RYR3: variants seen among roughly 807,000 people sequenced by gnomAD.
The protein encoded by RYR3 is brain ryanodine receptor-calcium release channel.
RYR3 carries 207 observed loss-of-function variants against 584.3 expected under a neutral mutation model. The ratio of observed to expected loss-of-function variants is 0.35; its 90% CI spans 0.32 to 0.40. RYR3 has a LOEUF of 0.40. Ranked by LOEUF, RYR3 falls within the 10% of genes least tolerant of loss-of-function variation. The pLI, the probability that RYR3 is intolerant of heterozygous loss-of-function variation, is 1.00. For synonymous variants in RYR3, 2,416 were observed against 2,248.5 expected, an observed-to-expected ratio of 1.07 and a Z score of -2.11; for missense variants, 5,616 against 6,089.2, an observed-to-expected ratio of 0.92 and a Z score of 2.59.
intron 1 of RYR3, among the ~76,000 whole-genome samples, chr15:33,314,533 G>A (rs563068900): frequency 6.6e-6 from 1 of 152,202 alleles, no homozygotes; most frequent in African/African-American, 2.4e-5. Flanking sequence ...AACACAAAAC[G>A]AAACAAAACT....
intron 48 of RYR3, among the ~76,000 whole-genome samples, chr15:33,733,441 T>A (rs1274432998): frequency 2.0e-5 from 3 of 152,172 alleles, no homozygotes; most frequent in Admixed American, 6.5e-5. Flanking sequence ...TATCAAGCAA[T>A]GAAAATACAT....
At position 33,816,937 on chromosome 15, in the gene RYR3, G is replaced by C; in HGVS notation, c.10578G>C (p.Glu3526Asp). The part of the protein sequence containing the change: ...WIETEEYSFE[E>D]KLVQDLAKSP... ...AAACAGAGGAGTATTCCTTTGAAGA[G>C]AAACTAGTACAGGATTTGGCTGTAA... The change falls in exon 75 of 104, where the codon GAG becomes GAC. Residue 3526 changes from glutamate (E) to aspartate (D), a missense_variant. This residue lies in a region of RYR3 where 954 missense variants were observed against 1,132.2 expected (regional missense o/e 0.84). Coordinates refer to ENST00000634891, the MANE Select transcript of RYR3 (RefSeq NM_001036.6). The C allele has an allele frequency of 6.2e-7, 1 of 1,608,960 alleles. No individual in the cohort carries two copies. Among genetic ancestry groups the C allele is most frequent in the Non-Finnish European group, 8.5e-7 (1 of 1,176,644 alleles).
intron 18 of RYR3, among the ~76,000 whole-genome samples, chr15:33,603,787 A>G (rs2059784318): frequency 6.6e-6 from 1 of 152,238 alleles, no homozygotes. Flanking sequence ...TGGTTCAGTA[A>G]TTTATTCAAA....
In RYR3 at chr15:33,548,178, T is replaced by G. The variant is rs758671481; in HGVS notation, c.789T>G (p.Leu263=). Residue 263 remains leucine (L), a synonymous_variant, in exon 9 of 104, where the codon CTT becomes CTG. Transcript: ENST00000634891. The part of the protein sequence containing the change: ...AGGAGTRARS[L]WRVEPLRISW... ...GAGCTGGGACTCGAGCCAGGTCTCT[T>G]TGGAGAGTGGAACCCCTTCGGATAA... 32 of 1,612,282 alleles carry G rather than the reference T, an allele frequency of 2.0e-5. No homozygotes were observed. Among genetic ancestry groups the G allele is most frequent in the Non-Finnish European group, 2.5e-5 (30 of 1,179,110 alleles).
chr15:33,734,429 A>C (rs1024068212), intron 48 of RYR3, among the ~76,000 whole-genome samples: 5 of 152,148 alleles, frequency 3.3e-5, no homozygotes, highest in African/African-American at 1.2e-4. Flanking sequence ...AAATGGAGTA[A>C]ATAATGAGTT....
At chr15:33,848,759 A>G (rs1317938289) in intron 94 of RYR3, among the ~76,000 whole-genome samples, 1 of 149,760 alleles carries the variant, frequency 6.7e-6, no homozygotes, top group East Asian at 2.0e-4. Flanking sequence ...GATCAAGTTG[A>G]TCAGCTTCAG....
intron 89 of RYR3, 95 bp downstream of exon 89, chr15:33,839,053 C>G: frequency 1.4e-6 from 2 of 1,432,070 alleles, no homozygotes; most frequent in Non-Finnish European, 1.9e-6. Flanking sequence ...TCCCTAGGAG[C>G]CAACACTCTA....
chr15:33,336,961 GGGA>G (rs746624124), intron 1 of RYR3, among the ~76,000 whole-genome samples: 4 of 150,510 alleles, frequency 2.7e-5, no homozygotes, highest in Non-Finnish European at 5.9e-5. Flanking sequence ...GGGAGGCTGA[GGGA>G]GGAGAATGGC....
At chr15:33,440,668 A>G (rs896443229) in intron 1 of RYR3, among the ~76,000 whole-genome samples, 6 of 152,180 alleles carry the variant, frequency 3.9e-5, no homozygotes, top group African/African-American at 1.4e-4. Flanking sequence ...TGGAATTTCT[A>G]TATATGTTGG....
intron 16 of RYR3, 54 bp downstream of exon 16, chr15:33,586,170 T>A: frequency 1.0e-6 from 1 of 991,132 alleles, no homozygotes; most frequent in Non-Finnish European, 1.6e-6. Flanking sequence ...CTCCCCAATG[T>A]TCATGACCAT....
At chr15:33,347,233 T>A (rs1269695989) in intron 1 of RYR3, among the ~76,000 whole-genome samples, 1 of 152,180 alleles carries the variant, frequency 6.6e-6, no homozygotes, top group Non-Finnish European at 1.5e-5. Flanking sequence ...TGAAGAGGTA[T>A]GTTCCACCTG....
At chr15:33,716,127 G>T (rs2067478260) in intron 43 of RYR3, among the ~76,000 whole-genome samples, 1 of 152,118 alleles carries the variant, frequency 6.6e-6, no homozygotes, top group Non-Finnish European at 1.5e-5. Context: ...TTCATCTTCT[G>T]CTATGAGTAA....
At chr15:33,505,124 G>C (rs1449604777) in intron 3 of RYR3, among the ~76,000 whole-genome samples, 1 of 152,144 alleles carries the variant, frequency 6.6e-6, no homozygotes, top group Non-Finnish European at 1.5e-5. Flanking sequence ...ACATAATACG[G>C]ACATGTCTCA....
chr15:33,456,935 C>G (rs28576794), intron 1 of RYR3, among the ~76,000 whole-genome samples: 3,344 of 152,256 alleles, frequency 0.022, 58 homozygotes, highest in Non-Finnish European at 0.028. Context: ...TATAAAGTCT[C>G]TCAATTCCTG....
chr15:33,742,587 T>G, intron 52 of RYR3, 143 bp downstream of exon 52: 1 of 630,150 alleles, frequency 1.6e-6, no homozygotes, highest in Non-Finnish European at 2.8e-6. Context: ...TGAGCAGCAA[T>G]TTCCCAGGGT....
At chr15:33,489,009 C>T (rs2050737974) in intron 2 of RYR3, among the ~76,000 whole-genome samples, 1 of 152,146 alleles carries the variant, frequency 6.6e-6, no homozygotes, top group South Asian at 2.1e-4. Flanking sequence ...ATTCACAAAT[C>T]ATACTACTGT....
At chr15:33,501,199 C>A (rs1267517860) in intron 2 of RYR3, among the ~76,000 whole-genome samples, 1 of 152,158 alleles carries the variant, frequency 6.6e-6, no homozygotes, top group Non-Finnish European at 1.5e-5. Flanking sequence ...ACTTTCAATA[C>A]CTGGACTGAA....
chr15:33,346,331 C>G (rs2140886586), intron 1 of RYR3, among the ~76,000 whole-genome samples: 1 of 152,304 alleles, frequency 6.6e-6, no homozygotes, highest in East Asian at 1.9e-4. Flanking sequence ...TTTATTGTGT[C>G]TACATACTGA....
intron 69 of RYR3, among the ~76,000 whole-genome samples, chr15:33,805,230 C>T (rs926961774): frequency 3.9e-5 from 6 of 152,104 alleles, no homozygotes; most frequent in African/African-American, 1.4e-4. Context: ...ATGCCAGTTC[C>T]TTGACCAAGG....
Sources: gnomAD v4.1 joint callset for allele counts (sites outside exome capture counted in the v4.1 genomes callset) on GRCh38, gnomAD v4.1.1 for gene constraint, gnomAD v4.1.1 regional missense constraint, MANE v1.5 for transcripts, NCBI Gene and HGNC (gene_info 2026-07-23, HGNC 2026-07-21) for gene names.